GAS2: variants seen among roughly 807,000 people sequenced by gnomAD.
GAS2 encodes the protein growth arrest specific 2.
In GAS2, 20 loss-of-function variants were observed where a neutral mutation model predicts 37.5. That is an observed-to-expected ratio of 0.53 (90% confidence interval 0.37 to 0.77). The LOEUF (loss-of-function observed/expected upper bound fraction) is 0.77, where lower values mean the gene tolerates loss of function less well. Among genes scored for constraint, GAS2 ranks in the 30% least tolerant of loss-of-function variants. The pLI is 0.00. For synonymous variants in GAS2, 144 were observed against 132.2 expected, an observed-to-expected ratio of 1.09 and a Z score of -0.61; for missense variants, 336 against 373.4, an observed-to-expected ratio of 0.90 and a Z score of 0.82.
intron 1 of GAS2, among the ~76,000 whole-genome samples, chr11:22,644,339 T>C (rs1848663865): frequency 6.6e-6 from 1 of 152,174 alleles, no homozygotes; most frequent in African/African-American, 2.4e-5. Context: ...AGTGATTTTT[T>C]TTCATTGCAA....
At chr11:22,630,278 A>G (rs978121593) in intron 1 of GAS2, among the ~76,000 whole-genome samples, 5 of 152,070 alleles carry the variant, frequency 3.3e-5, no homozygotes, top group Non-Finnish European at 5.9e-5. Context: ...GTTCCCACCT[A>G]TGAGTGAGAA....
intron 1 of GAS2, among the ~76,000 whole-genome samples, chr11:22,627,230 C>A (rs572996154): frequency 3.8e-4 from 58 of 152,294 alleles, no homozygotes; most frequent in Middle Eastern, 6.8e-3. Context: ...TGCAGCCTGC[C>A]TTTAGCAAAT....
At chr11:22,700,775 AG>A (rs1850799554) in intron 3 of GAS2, among the ~76,000 whole-genome samples, 1 of 152,212 alleles carries the variant, frequency 6.6e-6, no homozygotes, top group Non-Finnish European at 1.5e-5. Context: ...GCATCAGATG[AG>A]CGATAGCTAA....
chr11:22,651,321 A>T (rs559581159), intron 1 of GAS2, among the ~76,000 whole-genome samples: 8 of 152,148 alleles, frequency 5.3e-5, no homozygotes, highest in Non-Finnish European at 1.0e-4. Context: ...TTTGTGGGTA[A>T]CCCGAACTTT....
chr11:22,812,580 T>A lies in GAS2; in HGVS notation c.*564T>A, dbSNP rs1857237905. 6.5e-6 allele frequency: 1 copy of A among 153,284 alleles called. No individual in the cohort carries two copies. The highest frequency in any genetic ancestry group is 2.1e-4 in the South Asian group (1 of 4,866). 9.5% of individuals were successfully genotyped at this position (153,284 alleles called of 1,614,324 possible). ...AAAAGTTTACATTCACTTGGAAGGC[T>A]GCCTTAAAGTATATCTCTTATCTAT... On this transcript the variant is annotated 3_prime_UTR_variant, in exon 8 of 8. Transcript: ENST00000454584.
At chr11:22,743,871 AG>A (rs200933137) in intron 5 of GAS2, among the ~76,000 whole-genome samples, 2,099 of 152,256 alleles carry the variant, frequency 0.014, 57 homozygotes, top group African/African-American at 0.048. Flanking sequence ...GTTCTTTGAA[AG>A]GATACCAAGA....
intron 1 of GAS2, among the ~76,000 whole-genome samples, chr11:22,630,049 C>T (rs1422618159): frequency 6.6e-6 from 1 of 151,900 alleles, no homozygotes; most frequent in East Asian, 1.9e-4. Flanking sequence ...TTTCCTCACA[C>T]CATTTTTTTT....
At chr11:22,647,796 T>G (rs1848720514) in intron 1 of GAS2, among the ~76,000 whole-genome samples, 1 of 152,176 alleles carries the variant, frequency 6.6e-6, no homozygotes, top group South Asian at 2.1e-4. Flanking sequence ...TAAATTTGTT[T>G]GAGTTCATTG....
At chr11:22,787,639 T>C (rs146989591) in intron 7 of GAS2, among the ~76,000 whole-genome samples, 46 of 152,144 alleles carry the variant, frequency 3.0e-4, no homozygotes, top group African/African-American at 9.4e-4. Flanking sequence ...GTAAAATACA[T>C]TGGAGTCACT....
chr11:22,812,890 C>T lies in GAS2; in HGVS notation c.*874C>T, dbSNP rs1245957360. 1 of 152,554 alleles carries T rather than the reference C, an allele frequency of 6.6e-6. No homozygotes were observed. Among genetic ancestry groups the T allele is most frequent in the Non-Finnish European group, 1.5e-5 (1 of 68,020 alleles). 9.5% of individuals were successfully genotyped at this position (152,554 alleles called of 1,614,324 possible). On this transcript the variant is annotated 3_prime_UTR_variant, in exon 8 of 8. Transcript: ENST00000454584. ...AAATTCACTGTAGCTAATGATGTTACAGACTTACGTATACCCTTGTATACC... is the reference window on the plus strand; with the variant it reads ...AAATTCACTGTAGCTAATGATGTTATAGACTTACGTATACCCTTGTATACC...
At chr11:22,661,695 C>T (rs767032540), upstream of GAS2, among the ~76,000 whole-genome samples, 4 of 152,124 alleles carry the variant, frequency 2.6e-5, no homozygotes, top group Admixed American at 6.5e-5. Context: ...GGAGGTGTAA[C>T]GGTATAAGAT....
chr11:22,719,033 T>C (rs1851822491), intron 3 of GAS2, among the ~76,000 whole-genome samples: 1 of 152,148 alleles, frequency 6.6e-6, no homozygotes, highest in Non-Finnish European at 1.5e-5. Context: ...TTTTTAAAGC[T>C]TTGTTAAGGT....
At chr11:22,730,373 A>G (rs1220549370) in intron 4 of GAS2, among the ~76,000 whole-genome samples, 2 of 151,794 alleles carry the variant, frequency 1.3e-5, no homozygotes, top group East Asian at 3.9e-4. Context: ...TTTATACATC[A>G]GTATATTAAA....
chr11:22,778,036 G>C (rs1179550043), intron 7 of GAS2, among the ~76,000 whole-genome samples: 1 of 152,142 alleles, frequency 6.6e-6, no homozygotes, highest in Non-Finnish European at 1.5e-5. Context: ...GCTATTAATG[G>C]AATAGAGGGA....
chr11:22,701,524 T>TA (rs945065661), intron 3 of GAS2, among the ~76,000 whole-genome samples: 9 of 149,278 alleles, frequency 6.0e-5, no homozygotes, highest in South Asian at 4.2e-4. Context: ...AGATCAAGCT[T>TA]AAAAAAAAAA....
At chr11:22,735,582 G>T (rs929033142) in intron 4 of GAS2, among the ~76,000 whole-genome samples, 1 of 151,708 alleles carries the variant, frequency 6.6e-6, no homozygotes, top group African/African-American at 2.4e-5. Flanking sequence ...TTTTAAATTG[G>T]CAAATGAAGA....
chr11:22,740,334 T>A (rs115346787), intron 5 of GAS2, among the ~76,000 whole-genome samples: 2,100 of 152,300 alleles, frequency 0.014, 56 homozygotes, highest in African/African-American at 0.048. Context: ...CCAAAAACTA[T>A]ATTATGGATT....
intron 6 of GAS2, among the ~76,000 whole-genome samples, chr11:22,751,358 G>T (rs1362933629): frequency 6.6e-6 from 1 of 151,890 alleles, no homozygotes; most frequent in Non-Finnish European, 1.5e-5. Flanking sequence ...CTCATCCCAG[G>T]TATAACTGGC....
chr11:22,744,784 A>G (rs909687154), intron 5 of GAS2, among the ~76,000 whole-genome samples: 1 of 152,148 alleles, frequency 6.6e-6, no homozygotes, highest in Non-Finnish European at 1.5e-5. Flanking sequence ...CTCCTATTCA[A>G]CGTGGTACTG....
Sources: gnomAD v4.1 joint callset for allele counts (sites outside exome capture counted in the v4.1 genomes callset) on GRCh38, gnomAD v4.1.1 for gene constraint, MANE v1.5 for transcripts, NCBI Gene and HGNC (gene_info 2026-07-23, HGNC 2026-07-21) for gene names.